The following C19orf53 variants were observed in gnomAD, a reference collection of about 807,000 sequenced individuals.
C19orf53 encodes chromosome 19 open reading frame 53.
In C19orf53, 9 loss-of-function variants were observed where a neutral mutation model predicts 6.5. The ratio of observed to expected loss-of-function variants is 1.38; its 90% confidence interval spans 0.83 to 2.40. C19orf53 has a LOEUF of 2.40. C19orf53 is among the 30% of genes most tolerant of loss of function. The probability of loss-of-function intolerance (pLI) is 0.00; values close to 1 mark genes in which losing one functional copy is unlikely to be tolerated. For synonymous variants in C19orf53, 68 were observed against 52.5 expected, an observed-to-expected ratio of 1.29 and a Z score of -1.27; for missense variants, 166 against 129.7, an observed-to-expected ratio of 1.28 and a Z score of -1.36.
intron 2 of C19orf53, among the ~76,000 whole-genome samples, chr19:13,776,945 G>GTTTTTGTTTTTTGT (rs57467060): frequency 0.32 from 49,186 of 151,632 alleles, 8,671 homozygotes; most frequent in African/African-American, 0.44. Flanking sequence ...CATTGGAACT[G>GTTTTTGTTTTTTGT]TTTTTGTTTT....
At chr19:13,777,699 G>A (rs1974385039) in intron 2 of C19orf53, among the ~76,000 whole-genome samples, 1 of 152,224 alleles carries the variant, frequency 6.6e-6, no homozygotes. Context: ...CTGGGGCAGA[G>A]GAGGCTGCCC....
At chr19:13,774,802 C>T in intron 2 of C19orf53, 95 bp downstream of exon 2, 3 of 1,454,088 alleles carry the variant, frequency 2.1e-6, no homozygotes, top group South Asian at 1.3e-5. Flanking sequence ...GCCCGGGGAT[C>T]AGTGAGGGGA....
At position 13,778,767 on chromosome 19, in the gene C19orf53, T is replaced by C. The variant is rs1354091309; in HGVS notation, c.*569T>C. ...AGGTGCCGATTAAACCGGAATACAT[T>C]CAGAAACCACGTGGTACTACCTGGT... On this transcript the variant is annotated 3_prime_UTR_variant, in exon 3 of 3. Transcript: ENST00000588234. Among the ~76,000 whole-genome samples the C allele has an allele frequency of 8.5e-5, 13 of 152,126 alleles. No individual in the cohort carries two copies.
intron 2 of C19orf53, 128 bp downstream of exon 2, chr19:13,774,835 C>T (rs758398586): frequency 7.7e-7 from 1 of 1,290,920 alleles, no homozygotes; most frequent in Non-Finnish European, 1.1e-6. Flanking sequence ...TGGGGACGAG[C>T]TAGGAGCGAG....
rs1472038997 is a variant in C19orf53, at chr19:13,778,650, G to A, written c.*452G>A. On this transcript the variant is annotated 3_prime_UTR_variant, in exon 3 of 3. Transcript: ENST00000588234. ...AAGAGTCTTTTCTCCATTTAACCCC[G>A]GGTGACTCACTCCCTGGCCAGTCCT... Among the ~76,000 whole-genome samples the A allele has an allele frequency of 5.3e-5, 8 of 152,052 alleles. No homozygotes were observed. Among genetic ancestry groups the A allele is most frequent in the South Asian group, 2.1e-4 (1 of 4,824 alleles).
chr19:13,774,901 G>A (rs1394894601), intron 2 of C19orf53, 194 bp downstream of exon 2: 2 of 718,114 alleles, frequency 2.8e-6, no homozygotes, highest in South Asian at 2.0e-5. Context: ...GGCGCAGAGA[G>A]GGGTAAGAGG....
At chr19:13,775,273 G>A (rs562549715) in intron 2 of C19orf53, among the ~76,000 whole-genome samples, 1 of 145,032 alleles carries the variant, frequency 6.9e-6, no homozygotes, top group East Asian at 2.1e-4. Context: ...AAGTGTGAGG[G>A]TGCGTTGGTT....
chr19:13,775,206 A>T (rs1260657691), intron 2 of C19orf53, among the ~76,000 whole-genome samples: 1 of 152,160 alleles, frequency 6.6e-6, no homozygotes, highest in Non-Finnish European at 1.5e-5. Context: ...GCGAGGTGAC[A>T]TGGGAAGGGA....
chr19:13,774,701 C>T lies in C19orf53; in HGVS notation c.147C>T (p.Leu49=). 2 of 1,605,800 alleles carry T rather than the reference C, an allele frequency of 1.2e-6. No homozygotes were observed. The highest frequency in any genetic ancestry group is 1.7e-6 in the Non-Finnish European group (2 of 1,173,576). The change falls in exon 2 of 3, where the codon CTC becomes CTT. Residue 49 remains leucine, a synonymous_variant. Coordinates refer to ENST00000588234, the MANE Select transcript of C19orf53 (RefSeq NM_014047.3). The stretch of plus-strand genomic sequence containing the variant: ...CGCGCGTCGTGCAGCAGCAAAAGCT[C>T]AAGAAGGTGTGCGGGGGCGAGAGAT... ...KKARVVQQQK[L]KKNLEVGIRK... is the part of the protein sequence containing the mutation.
chr19:13,775,136 G>A (rs1974355099), intron 2 of C19orf53, among the ~76,000 whole-genome samples: 2 of 152,234 alleles, frequency 1.3e-5, no homozygotes, highest in South Asian at 2.1e-4. Context: ...GCCCAAAAAG[G>A]GTTCCAATAA....
rs756928437 is a variant in C19orf53 at position 13,774,591 on chromosome 19, G to C, written c.97+17G>C. 1 of 1,613,930 alleles carries C rather than the reference G, an allele frequency of 6.2e-7. No individual in the cohort carries two copies. The highest frequency in any genetic ancestry group is 8.5e-7 in the Non-Finnish European group (1 of 1,179,770). On this transcript the variant is annotated intron_variant, in intron 1 of 2. Transcript: ENST00000588234. ...GAAAAGGCGGTAAGGAGCGGCCCGG[G>C]GACTTGGGGGCGAGGTGGACCCCCG...
intron 2 of C19orf53, among the ~76,000 whole-genome samples, chr19:13,775,074 G>A (rs1461020831): frequency 6.6e-6 from 1 of 152,120 alleles, no homozygotes; most frequent in African/African-American, 2.4e-5. Flanking sequence ...TGCAAGGGGT[G>A]CAGGAACACC....
chr19:13,777,361 G>A (rs543006115), intron 2 of C19orf53, among the ~76,000 whole-genome samples: 1 of 152,114 alleles, frequency 6.6e-6, no homozygotes, highest in Admixed American at 6.6e-5. Context: ...CCAAACAGCT[G>A]AGACGAGAGG....
chr19:13,778,060 A>G lies in C19orf53; in HGVS notation c.162A>G (p.Glu54=). 1.2e-6 allele frequency: 2 copies of G among 1,610,274 alleles called. No individual in the cohort carries two copies. Among genetic ancestry groups the G allele is most frequent in the Non-Finnish European group, 1.7e-6 (2 of 1,177,828 alleles). The change falls in exon 3 of 3, where the codon GAA becomes GAG. Residue 54 remains glutamate (E), a synonymous_variant. Coordinates refer to ENST00000588234, the MANE Select transcript of C19orf53 (RefSeq NM_014047.3). The stretch of plus-strand genomic sequence containing the variant: ...CCGTGCTTCTCCCTCAGAACCTAGA[A>G]GTCGGAATCCGGAAGAAGATCGAAC... ...VQQQKLKKNL[E]VGIRKKIEHD... is the part of the protein sequence containing the mutation.
At chr19:13,776,836 A>G (rs1051835901) in intron 2 of C19orf53, among the ~76,000 whole-genome samples, 3 of 152,328 alleles carry the variant, frequency 2.0e-5, no homozygotes, top group African/African-American at 7.2e-5. Flanking sequence ...ATATTACGCT[A>G]CTGATGCTTA....
At chr19:13,777,449 T>C (rs977727146) in intron 2 of C19orf53, among the ~76,000 whole-genome samples, 2 of 151,860 alleles carry the variant, frequency 1.3e-5, no homozygotes, top group Admixed American at 1.3e-4. Flanking sequence ...TGGTCTCGAG[T>C]TCCTGGGCTC....
At chr19:13,777,874 G>T (rs1268518896) in intron 2 of C19orf53, among the ~76,000 whole-genome samples, 178 bp from the exon 3 acceptor site, 3 of 152,152 alleles carry the variant, frequency 2.0e-5, no homozygotes, top group Middle Eastern at 3.2e-3. Flanking sequence ...TTTTGTGTGT[G>T]TGGAGGCCCC....
Position 13,778,359 on chromosome 19 carries a change from A to G in C19orf53, c.*161A>G, listed in dbSNP as rs1475110685. Reference sequence around the variant, plus strand: ...GGCCAAGGGTGCTGAGAACCCAGCAATGACCAGGAAGATACAGTCACTAAC... The same window carrying G: ...GGCCAAGGGTGCTGAGAACCCAGCAGTGACCAGGAAGATACAGTCACTAAC... On this transcript the variant is annotated 3_prime_UTR_variant, in exon 3 of 3. Coordinates refer to ENST00000588234, the MANE Select transcript of C19orf53 (RefSeq NM_014047.3). 3 of 830,470 alleles carry G rather than the reference A, an allele frequency of 3.6e-6. No homozygotes were observed. Among genetic ancestry groups the G allele is most frequent in the South Asian group, 5.1e-5 (2 of 39,152 alleles). The allele number at this position is 830,470 out of a possible 1,614,324, so 51.4% of individuals were successfully genotyped here.
chr19:13,775,036 G>T (rs575649441), intron 2 of C19orf53: 1 of 453,680 alleles, frequency 2.2e-6, no homozygotes, highest in African/African-American at 1.9e-5. Flanking sequence ...AGGACTCCCA[G>T]CTCTGTGGGC....
Sources: gnomAD v4.1 joint callset for allele counts (sites outside exome capture counted in the v4.1 genomes callset) on GRCh38, gnomAD v4.1.1 for gene constraint, MANE v1.5 for transcripts, NCBI Gene and HGNC (gene_info 2026-07-23, HGNC 2026-07-21) for gene names.